The following GRK7 variants were observed in gnomAD, a reference collection of about 807,000 sequenced individuals.
GRK7 encodes rhodopsin kinase GRK7.
Under a neutral mutation model 34.1 loss-of-function variants are expected in GRK7, and 24 were observed. The ratio of observed to expected loss-of-function variants is 0.70; its 90% CI spans 0.51 to 0.99. The LOEUF is 0.99. Among genes scored for constraint, GRK7 ranks in the 50% least tolerant of loss-of-function variants. The pLI is 0.00. For synonymous variants in GRK7, 256 were observed against 279.4 expected (o/e 0.92, Z 0.84); for missense variants, 644 against 707.3 (o/e 0.91, Z 1.02).
chr3:141,794,966 C>T (rs141579498), intron 4 of GRK7, among the ~76,000 whole-genome samples: 6 of 152,232 alleles, frequency 3.9e-5, no homozygotes, highest in Non-Finnish European at 7.4e-5. Context: ...TGCCTGCCTT[C>T]ATGAAGTTCC....
At chr3:141,785,997 C>T (rs879542320) in intron 4 of GRK7, among the ~76,000 whole-genome samples, 12 of 151,530 alleles carry the variant, frequency 7.9e-5, no homozygotes, top group Non-Finnish European at 1.6e-4. Context: ...GCTGTTGCAA[C>T]TCCAAATATT....
chr3:141,790,123 T>A (rs2084716649), intron 4 of GRK7, among the ~76,000 whole-genome samples: 1 of 152,172 alleles, frequency 6.6e-6, no homozygotes, highest in African/African-American at 2.4e-5. Context: ...CGCCTCAGCC[T>A]GCCGTGTAGC....
chr3:141,774,877 C>T (rs1209583663), intron 2 of GRK7, among the ~76,000 whole-genome samples, 197 bp downstream of exon 2: 2 of 151,882 alleles, frequency 1.3e-5, no homozygotes, highest in Non-Finnish European at 2.9e-5. Flanking sequence ...ACTGCAGCTT[C>T]CGCCTCCTGG....
At chr3:141,791,607 T>C (rs892118975) in intron 4 of GRK7, among the ~76,000 whole-genome samples, 1 of 152,238 alleles carries the variant, frequency 6.6e-6, no homozygotes, top group Admixed American at 6.5e-5. Flanking sequence ...TAATTACTTT[T>C]AACATTCCTT....
chr3:141,755,127 A>G, the GRK7 span, among the ~76,000 whole-genome samples: 1 of 152,224 alleles, frequency 6.6e-6, no homozygotes, highest in African/African-American at 2.4e-5. Context: ...CTGAATAGAA[A>G]TAGCATGTGG....
At chr3:141,791,300 C>T (rs10513156) in intron 4 of GRK7, among the ~76,000 whole-genome samples, 2,792 of 152,238 alleles carry the variant, frequency 0.018, 90 homozygotes, top group African/African-American at 0.064. Flanking sequence ...GACCTCTGAA[C>T]ATGTTTTCTT....
chr3:141,808,937 G>T (rs1336562694), intron 5 of GRK7, among the ~76,000 whole-genome samples: 1 of 151,890 alleles, frequency 6.6e-6, no homozygotes. Context: ...AGCCAGGCAT[G>T]GTGGTTCACG....
intron 2 of GRK7, among the ~76,000 whole-genome samples, chr3:141,777,320 C>CCCTTT: frequency 1.9e-5 from 1 of 53,362 alleles, no homozygotes; most frequent in African/African-American, 1.0e-4. Flanking sequence ...GAGATGGCCC[C>CCCTTT]TCTTTTTTTT....
chr3:141,767,428 C>T (rs1196386044), intron 1 of GRK7, among the ~76,000 whole-genome samples: 1 of 150,642 alleles, frequency 6.6e-6, no homozygotes, highest in Non-Finnish European at 1.5e-5. Flanking sequence ...GACAGGGTCT[C>T]CTTCGCACTG....
intron 4 of GRK7, among the ~76,000 whole-genome samples, chr3:141,799,196 G>A (rs1256320858): frequency 6.6e-6 from 1 of 152,186 alleles, no homozygotes; most frequent in African/African-American, 2.4e-5. Flanking sequence ...TTAGTACTGG[G>A]CAAATGGGGA....
intron 5 of GRK7, 77 bp downstream of exon 5, chr3:141,807,996 G>A: frequency 7.6e-7 from 1 of 1,322,114 alleles, no homozygotes; most frequent in Non-Finnish European, 1.0e-6. Flanking sequence ...TTTGATTTGT[G>A]GCAAAGTCTT....
chr3:141,810,614 T>C (rs779818132), intron 5 of GRK7, among the ~76,000 whole-genome samples: 3 of 152,056 alleles, frequency 2.0e-5, no homozygotes, highest in Non-Finnish European at 4.4e-5. Context: ...CCTCCCAGGT[T>C]CAAGCAATTC....
chr3:141,786,701 C>T (rs1372358514), intron 4 of GRK7, among the ~76,000 whole-genome samples: 18 of 151,972 alleles, frequency 1.2e-4, no homozygotes, highest in African/African-American at 4.3e-4. Flanking sequence ...TCGCTTGAAC[C>T]CAGGAGGCAG....
the GRK7 span, among the ~76,000 whole-genome samples, chr3:141,755,925 T>A: frequency 3.3e-5 from 5 of 150,138 alleles, no homozygotes; most frequent in Admixed American, 6.7e-5. Context: ...ATATTTATAA[T>A]AATATCCCCA....
At chr3:141,791,929 G>A (rs1384950428) in intron 4 of GRK7, among the ~76,000 whole-genome samples, 4 of 150,494 alleles carry the variant, frequency 2.7e-5, no homozygotes, top group Non-Finnish European at 5.9e-5. Flanking sequence ...GCTTGAACCC[G>A]GGAGGCGGAG....
the GRK7 span, among the ~76,000 whole-genome samples, chr3:141,754,932 A>T: frequency 6.6e-6 from 1 of 152,214 alleles, no homozygotes; most frequent in African/African-American, 2.4e-5. Context: ...ATAGGCTTTT[A>T]AATGGACATA....
chr3:141,803,265 G>GAA (rs3057588), intron 4 of GRK7, among the ~76,000 whole-genome samples: 10 of 106,870 alleles, frequency 9.4e-5, no homozygotes, highest in Admixed American at 4.9e-4. Context: ...TGTCTCTACT[G>GAA]AAAAAAAAAA....
In GRK7 at chr3:141,778,632, C is replaced by T; in HGVS notation, c.348C>T (p.Ala116=). Residue 116 remains alanine (A), a synonymous_variant, in exon 3 of 6, where the codon GCC becomes GCT. Coordinates refer to ENST00000682958, the MANE Select transcript of GRK7 (RefSeq NM_139209.3). This position sits in a 1 kb window ranked among gnomAD's most constrained non-coding sequence, Gnocchi z 4.1. ...LQGLVATCAS[A]PAPGNPQPFL... ...GGCTGGTGGCCACTTGTGCGAGTGC[C>T]CCTGCCCCGGGGAACCCGCAACCCT... The T allele has an allele frequency of 3.1e-6, 5 of 1,612,818 alleles. No homozygotes were observed. Among genetic ancestry groups the T allele is most frequent in the Non-Finnish European group, 4.2e-6 (5 of 1,179,588 alleles).
intron 5 of GRK7, among the ~76,000 whole-genome samples, chr3:141,812,356 T>C (rs1291004784): frequency 1.3e-5 from 2 of 152,254 alleles, no homozygotes; most frequent in African/African-American, 4.8e-5. Context: ...GAAAGAGCCC[T>C]GCACAGAACT....
Sources: gnomAD v4.1 joint callset for allele counts (sites outside exome capture counted in the v4.1 genomes callset) on GRCh38, gnomAD v4.1.1 for gene constraint, Gnocchi (gnomAD v3.1) non-coding constraint, MANE v1.5 for transcripts, NCBI Gene and HGNC (gene_info 2026-07-23, HGNC 2026-07-21) for gene names.